Variants in PHACTR2 observed in about 807,000 individuals in gnomAD.
PHACTR2 encodes phosphatase and actin regulator 2.
Under a neutral mutation model 76.0 loss-of-function variants are expected in PHACTR2, and 30 were observed. That is an observed-to-expected ratio of 0.39 (90% CI 0.30 to 0.54). PHACTR2 has a LOEUF of 0.54. Ranked by LOEUF, PHACTR2 falls within the 20% of genes least tolerant of loss-of-function variation. The pLI, the probability that PHACTR2 is intolerant of heterozygous loss-of-function variation, is 0.61. For synonymous variants in PHACTR2, 292 were observed against 292.5 expected, an observed-to-expected ratio of 1.00 and a Z score of 0.02; for missense variants, 696 against 781.1, an observed-to-expected ratio of 0.89 and a Z score of 1.30.
rs1775659947 is a variant in PHACTR2 at position 143,589,036 on chromosome 6, T to C, written c.217+51829T>C. On this transcript the variant is annotated intron_variant, in intron 1 of 11. Transcript: ENST00000367584. This position sits in a 1 kb window ranked among gnomAD's most constrained non-coding sequence, Gnocchi z 4.4. ...TCTCATCGTATGAGTTTGCTAGAGC[T>C]GCCACAACAAAATGCCACAGATTGG... Among the ~76,000 whole-genome samples the C allele has an allele frequency of 6.6e-6, 1 of 152,240 alleles. No homozygotes were observed. The highest frequency in any genetic ancestry group is 2.1e-4 in the South Asian group (1 of 4,836).
chr6:143,826,376 T>A lies in PHACTR2; in HGVS notation c.*2687T>A, dbSNP rs1393713807. 6.6e-6 allele frequency: 1 copy of A among 152,190 alleles called. No individual in the cohort carries two copies. The highest frequency in any genetic ancestry group is 1.9e-4 in the East Asian group (1 of 5,202). 9.4% of individuals were successfully genotyped at this position (152,190 alleles called of 1,614,324 possible). A position where few individuals can be genotyped will look rare whatever the true frequency, so the allele number is the denominator to read the frequency against. ...GTAAGCATATGCTGTATAGGAAAAATAAAAGTGTGTGGGAATTGGATTTCT... is the reference window on the plus strand; with the variant it reads ...GTAAGCATATGCTGTATAGGAAAAAAAAAAGTGTGTGGGAATTGGATTTCT... On this transcript the variant is annotated 3_prime_UTR_variant, in exon 13 of 13. Transcript: ENST00000440869.
intron 1 of PHACTR2, among the ~76,000 whole-genome samples, chr6:143,702,763 A>G (rs1777944708): frequency 6.9e-6 from 1 of 145,616 alleles, no homozygotes; most frequent in African/African-American, 2.5e-5. Context: ...TTGTAAGAAT[A>G]TATATACAAC....
At position 143,819,838 on chromosome 6, in the gene PHACTR2, G is replaced by A. The variant is rs183365908; in HGVS notation, c.1923-3836G>A. On this transcript the variant is annotated intron_variant, in intron 12 of 12. Transcript: ENST00000440869. The surrounding 1 kb of genome is among the most constrained non-coding windows in gnomAD (Gnocchi z 5.0). The stretch of plus-strand genomic sequence containing the variant: ...AAAACACCCTCACAGACTGTATTAG[G>A]CCATTCTTGACTGCTATAAAGAAAT... Among the ~76,000 whole-genome samples the A allele has an allele frequency of 1.3e-5, 2 of 152,204 alleles. No individual in the cohort carries two copies. The highest frequency in any genetic ancestry group is 2.9e-5 in the Non-Finnish European group (2 of 67,998).
rs1291093901 is a variant in PHACTR2, at chr6:143,793,307, G to T, written c.1845+4397G>T. On this transcript the variant is annotated intron_variant, in intron 11 of 12. Coordinates refer to ENST00000440869, the MANE Select transcript of PHACTR2 (RefSeq NM_001100164.2). The surrounding 1 kb of genome is among the most constrained non-coding windows in gnomAD (Gnocchi z 4.4). Reference sequence around the variant, plus strand: ...TATGTTGAAACAAAAATGGGATTTTGTTCTGGACTTCTAGGTTGCAGGGGA... The same window carrying T: ...TATGTTGAAACAAAAATGGGATTTTTTTCTGGACTTCTAGGTTGCAGGGGA... Among the ~76,000 whole-genome samples the T allele has an allele frequency of 1.3e-5, 2 of 151,808 alleles. No individual in the cohort carries two copies. The highest frequency in any genetic ancestry group is 2.1e-4 in the South Asian group (1 of 4,804).
chr6:143,804,538 T>C (rs1369817783), intron 11 of PHACTR2, among the ~76,000 whole-genome samples: 1 of 152,252 alleles, frequency 6.6e-6, no homozygotes, highest in Non-Finnish European at 1.5e-5. Flanking sequence ...GATGAGCCAG[T>C]AGGATATGCC....
At chr6:143,813,640 A>C (rs1166975998) in intron 12 of PHACTR2, among the ~76,000 whole-genome samples, 4 of 150,256 alleles carry the variant, frequency 2.7e-5, no homozygotes, top group East Asian at 3.9e-4. Context: ...AAAAAAAAAA[A>C]ATTCAGATGC....
In PHACTR2 at chr6:143,748,974, C is replaced by G; in HGVS notation, c.215-11C>G. 7.1e-7 allele frequency: 1 copy of G among 1,406,392 alleles called. No homozygotes were observed. The highest frequency in any genetic ancestry group is 1.0e-6 in the Non-Finnish European group (1 of 999,052). The allele number at this position is 1,406,392 out of a possible 1,614,324, so 87.1% of individuals were successfully genotyped here. On this transcript the variant is annotated splice_polypyrimidine_tract_variant and intron_variant, in intron 2 of 12. Transcript: ENST00000440869. Reference sequence around the variant, plus strand: ...GACTTGATTCTTACTTGTGCTTGTTCTTTTTAAAAGTATTAGAAAGGAAGA... The same window carrying G: ...GACTTGATTCTTACTTGTGCTTGTTGTTTTTAAAAGTATTAGAAAGGAAGA...
chr6:143,584,431 A>G (rs1385521277), intron 1 of PHACTR2, among the ~76,000 whole-genome samples: 3 of 152,202 alleles, frequency 2.0e-5, no homozygotes, highest in Non-Finnish European at 4.4e-5. Flanking sequence ...TCTGGAGGAA[A>G]AAAGATAAAG....
intron 2 of PHACTR2, among the ~76,000 whole-genome samples, chr6:143,718,360 G>C (rs1285819457): frequency 6.6e-6 from 1 of 152,184 alleles, no homozygotes; most frequent in African/African-American, 2.4e-5. Context: ...ACTGGGGCTA[G>C]AACATTCAGA....
Position 143,731,374 on chromosome 6 carries a change from G to T in PHACTR2, c.215-17611G>T, listed in dbSNP as rs1239818705. ...ACGGTCTTGGCTCACAGCAACCTCC[G>T]CCTCCCAGGTTCAAGTGATTCTCCT... On this transcript the variant is annotated intron_variant, in intron 2 of 12. Transcript: ENST00000440869. This position sits in a 1 kb window ranked among gnomAD's most constrained non-coding sequence, Gnocchi z 4.9. Among the ~76,000 whole-genome samples, 1 of 151,896 alleles carries T rather than the reference G, an allele frequency of 6.6e-6. No homozygotes were observed. Among genetic ancestry groups the T allele is most frequent in the African/African-American group, 2.4e-5 (1 of 41,364 alleles).
rs1776129435 is a variant in PHACTR2 at position 143,809,383 on chromosome 6, G to T, written c.1922+2250G>T. Among the ~76,000 whole-genome samples the T allele has an allele frequency of 6.6e-6, 1 of 151,810 alleles. No homozygotes were observed. The highest frequency in any genetic ancestry group is 2.4e-5 in the African/African-American group (1 of 41,360). On this transcript the variant is annotated intron_variant, in intron 12 of 12. Coordinates refer to ENST00000440869, the MANE Select transcript of PHACTR2 (RefSeq NM_001100164.2). This position sits in a 1 kb window ranked among gnomAD's most constrained non-coding sequence, Gnocchi z 4.2. ...TGTTTTTTTGTTTGTTTGTTTGTTTGTTTTTTTAGTAGAGATGAGGTCTTG... is the reference window on the plus strand; with the variant it reads ...TGTTTTTTTGTTTGTTTGTTTGTTTTTTTTTTTAGTAGAGATGAGGTCTTG...
intron 1 of PHACTR2, among the ~76,000 whole-genome samples, chr6:143,630,604 A>G (rs181366531): frequency 6.6e-6 from 1 of 152,344 alleles, no homozygotes; most frequent in East Asian, 1.9e-4. Context: ...TATTTATAAA[A>G]TGAATAAAAA....
In PHACTR2 at chr6:143,753,327, C is replaced by T. The variant is rs1266962623; in HGVS notation, c.296-427C>T. ...CACTTATTGTTTGTATGTGTAATTA[C>T]ATTTCATGTTATTTGTGTATTTGCA... On this transcript the variant is annotated intron_variant, in intron 3 of 12. Transcript: ENST00000440869. This position sits in a 1 kb window ranked among gnomAD's most constrained non-coding sequence, Gnocchi z 4.6. 6.6e-6 allele frequency among the ~76,000 whole-genome samples: 1 copy of T among 152,214 alleles called. No homozygotes were observed. Among genetic ancestry groups the T allele is most frequent in the African/African-American group, 2.4e-5 (1 of 41,534 alleles).
Position 143,621,252 on chromosome 6 carries a change from C to A in PHACTR2, c.13+12930C>A, listed in dbSNP as rs1776147609. Among the ~76,000 whole-genome samples the A allele has an allele frequency of 6.6e-6, 1 of 152,164 alleles. No homozygotes were observed. The highest frequency in any genetic ancestry group is 2.1e-4 in the South Asian group (1 of 4,824). On this transcript the variant is annotated intron_variant, in intron 1 of 11. Coordinates refer to the PHACTR2 transcript ENST00000305766. The surrounding 1 kb of genome is among the most constrained non-coding windows in gnomAD (Gnocchi z 4.1). ...TATGAAACGGGTCTACAGAAAACAT[C>A]AGGAGGCCCCCACAGGTTTCATTCT...
chr6:143,745,935 T>A (rs931980041), intron 2 of PHACTR2, among the ~76,000 whole-genome samples: 3 of 152,164 alleles, frequency 2.0e-5, no homozygotes, highest in African/African-American at 4.8e-5. Context: ...AGAGGGGGAA[T>A]TTTTAGTTTA....
chr6:143,546,130 C>CATG lies in PHACTR2; in HGVS notation c.217+8924_217+8926dup, dbSNP rs1203445642. ...AGCAGCTTTAGTGTTTTTAAAATAC[C>CATG]ATGCTGAGTGACTCATTATCTTTGA... On this transcript the variant is annotated intron_variant, in intron 1 of 11. Transcript: ENST00000367584. The surrounding 1 kb of genome is among the most constrained non-coding windows in gnomAD (Gnocchi z 4.9). Among the ~76,000 whole-genome samples, 1 of 152,082 alleles carries CATG rather than the reference C, an allele frequency of 6.6e-6. No individual in the cohort carries two copies. Among genetic ancestry groups the CATG allele is most frequent in the Non-Finnish European group, 1.5e-5 (1 of 68,010 alleles).
intron 6 of PHACTR2, among the ~76,000 whole-genome samples, chr6:143,766,826 C>T (rs1779572852): frequency 6.6e-6 from 1 of 152,154 alleles, no homozygotes; most frequent in Admixed American, 6.5e-5. Context: ...AACATATTAG[C>T]CCTGTCTCAC....
intron 1 of PHACTR2, among the ~76,000 whole-genome samples, chr6:143,609,915 G>A (rs1366546537): frequency 6.6e-6 from 1 of 152,110 alleles, no homozygotes; most frequent in Non-Finnish European, 1.5e-5. Flanking sequence ...CTCTAGTTAT[G>A]TTATTAAATG....
At position 143,664,141 on chromosome 6, in the gene PHACTR2, C is replaced by T. The variant is rs1024396177; in HGVS notation, c.14-47875C>T. 6.6e-6 allele frequency among the ~76,000 whole-genome samples: 1 copy of T among 152,000 alleles called. No homozygotes were observed. Among genetic ancestry groups the T allele is most frequent in the Non-Finnish European group, 1.5e-5 (1 of 67,964 alleles). On this transcript the variant is annotated intron_variant, in intron 1 of 11. Coordinates refer to the PHACTR2 transcript ENST00000305766. The surrounding 1 kb of genome is among the most constrained non-coding windows in gnomAD (Gnocchi z 5.1). ...TGTTAGATTATAATTTTTGTCATTA[C>T]ACTATATAATATGTCCCTCTATACT...
Sources: allele counts gnomAD v4.1 joint callset (sites outside exome capture counted in the v4.1 genomes callset), GRCh38; gene constraint gnomAD v4.1.1; non-coding constraint Gnocchi (gnomAD v3.1); transcripts MANE v1.5; gene names NCBI Gene and HGNC (gene_info 2026-07-23, HGNC 2026-07-21).